DPP10: variants seen among roughly 807,000 people sequenced by gnomAD.
DPP10 encodes the protein inactive dipeptidyl peptidase 10.
Under a neutral mutation model 120.9 loss-of-function variants are expected in DPP10, and 33 were observed. The observed-to-expected ratio is 0.27, with a 90% CI of 0.21 to 0.37. The LOEUF is 0.37. Among genes scored for constraint, DPP10 ranks in the 10% least tolerant of loss-of-function variants. The probability of loss-of-function intolerance (pLI) is 1.00; values close to 1 mark genes in which losing one functional copy is unlikely to be tolerated. For synonymous variants in DPP10, 337 were observed against 326.1 expected (o/e 1.03, Z -0.36); for missense variants, 816 against 942.8 (o/e 0.87, Z 1.76).
At chr2:115,456,059 A>T (rs2073509324) in intron 3 of DPP10, among the ~76,000 whole-genome samples, 1 of 152,158 alleles carries the variant, frequency 6.6e-6, no homozygotes, top group Non-Finnish European at 1.5e-5. Flanking sequence ...AATTTTTGCA[A>T]TCTATCCATC....
chr2:115,034,714 A>G (rs1704100978), intron 1 of DPP10, among the ~76,000 whole-genome samples: 1 of 152,332 alleles, frequency 6.6e-6, no homozygotes, highest in Non-Finnish European at 1.5e-5. Context: ...TAACAGTACT[A>G]TTTGCCATTG....
chr2:115,028,439 G>A (rs1703621860), intron 1 of DPP10, among the ~76,000 whole-genome samples: 1 of 152,106 alleles, frequency 6.6e-6, no homozygotes, highest in African/African-American at 2.4e-5. Context: ...TGAGTCCACT[G>A]TGGTCAGAAA....
intron 1 of DPP10, among the ~76,000 whole-genome samples, chr2:114,671,042 C>G (rs950091492): frequency 6.6e-6 from 1 of 152,044 alleles, no homozygotes; most frequent in Admixed American, 6.6e-5. Context: ...CTGGAAATTA[C>G]AAGAATAAAA....
At chr2:115,680,084 T>G (rs769054225) in intron 5 of DPP10, among the ~76,000 whole-genome samples, 1 of 152,078 alleles carries the variant, frequency 6.6e-6, no homozygotes, top group Non-Finnish European at 1.5e-5. Context: ...TATATACATG[T>G]ATAAAAATAT....
intron 19 of DPP10, among the ~76,000 whole-genome samples, chr2:115,813,309 C>G (rs1686864518): frequency 6.6e-6 from 1 of 152,144 alleles, no homozygotes; most frequent in Non-Finnish European, 1.5e-5. Flanking sequence ...GATCAATGTG[C>G]CAGCAGGATT....
intron 1 of DPP10, among the ~76,000 whole-genome samples, chr2:115,274,223 A>G (rs2105829608): frequency 6.6e-6 from 1 of 152,326 alleles, no homozygotes; most frequent in Non-Finnish European, 1.5e-5. Context: ...ATACTTGAGA[A>G]TACAGCCTGA....
intron 1 of DPP10, among the ~76,000 whole-genome samples, chr2:114,997,757 G>A (rs1175031861): frequency 1.3e-5 from 2 of 152,182 alleles, no homozygotes; most frequent in Non-Finnish European, 2.9e-5. Context: ...GAAGAGATAA[G>A]GGAAAGTGAT....
At chr2:114,996,191 T>C (rs1701071955) in intron 1 of DPP10, among the ~76,000 whole-genome samples, 1 of 152,236 alleles carries the variant, frequency 6.6e-6, no homozygotes, top group African/African-American at 2.4e-5. Flanking sequence ...AATTTATTTT[T>C]AATATCACAG....
At chr2:114,928,236 C>T (rs2104478554) in intron 1 of DPP10, among the ~76,000 whole-genome samples, 1 of 152,320 alleles carries the variant, frequency 6.6e-6, no homozygotes. Flanking sequence ...CAAAGTCTCA[C>T]CTGAGACTCA....
chr2:115,273,368 GTC>G (rs1457827430), intron 1 of DPP10, among the ~76,000 whole-genome samples: 2 of 151,918 alleles, frequency 1.3e-5, no homozygotes, highest in Non-Finnish European at 2.9e-5. Context: ...TTTTGACCGA[GTC>G]TCCCTCTGTG....
At chr2:114,503,923 ATTTTAGAATGCC>A (rs1683413098) in intron 1 of DPP10, among the ~76,000 whole-genome samples, 1 of 152,198 alleles carries the variant, frequency 6.6e-6, no homozygotes, top group African/African-American at 2.4e-5. Flanking sequence ...TCCCTTGTAT[ATTTTAGAATGCC>A]TATGTGGGGG....
intron 1 of DPP10, among the ~76,000 whole-genome samples, chr2:114,737,413 A>G (rs1057468591): frequency 6.6e-6 from 1 of 152,212 alleles, no homozygotes; most frequent in Admixed American, 6.5e-5. Context: ...GCGGTCTGTG[A>G]AAAGGCTAAC....
At chr2:115,133,143 G>GTATATATATATA (rs1238047393) in intron 1 of DPP10, among the ~76,000 whole-genome samples, 6 of 32,000 alleles carry the variant, frequency 1.9e-4, no homozygotes, top group African/African-American at 3.6e-4. Context: ...GTGTGTGTGT[G>GTATATATATATA]TGTATATATA....
At chr2:115,358,998 A>G (rs558794645) in intron 3 of DPP10, among the ~76,000 whole-genome samples, 34 of 152,296 alleles carry the variant, frequency 2.2e-4, no homozygotes, top group Admixed American at 1.6e-3. Context: ...GGAAACTACA[A>G]TTCAAGATGA....
chr2:114,765,213 T>C (rs928858021), intron 1 of DPP10, among the ~76,000 whole-genome samples: 25 of 152,346 alleles, frequency 1.6e-4, no homozygotes, highest in African/African-American at 6.0e-4. Context: ...TAATCCATTT[T>C]TAACCATACA....
chr2:115,718,514 AT>A (rs1389234204), intron 7 of DPP10, among the ~76,000 whole-genome samples: 3 of 151,756 alleles, frequency 2.0e-5, no homozygotes, highest in South Asian at 2.1e-4. Flanking sequence ...TTTTTTCTGT[AT>A]TTTTTTCTTT....
At chr2:114,773,446 A>G (rs1015421514) in intron 1 of DPP10, among the ~76,000 whole-genome samples, 1 of 147,012 alleles carries the variant, frequency 6.8e-6, no homozygotes, top group Non-Finnish European at 1.5e-5. Flanking sequence ...TTAAATGAAC[A>G]CTCATCACGG....
At chr2:115,810,298 G>T (rs1686494436) in intron 19 of DPP10, among the ~76,000 whole-genome samples, 1 of 152,124 alleles carries the variant, frequency 6.6e-6, no homozygotes. Context: ...GATTGGTAAT[G>T]AAATCAAGGA....
chr2:115,713,739 C>A (rs1642092533), intron 7 of DPP10, among the ~76,000 whole-genome samples: 1 of 152,150 alleles, frequency 6.6e-6, no homozygotes, highest in Non-Finnish European at 1.5e-5. Context: ...TTCTCATTAT[C>A]CTCCTTTTTG....
Sources: allele counts gnomAD v4.1 joint callset (sites outside exome capture counted in the v4.1 genomes callset), GRCh38; gene constraint gnomAD v4.1.1; transcripts MANE v1.5; gene names NCBI Gene and HGNC (gene_info 2026-07-23, HGNC 2026-07-21).